The following SLF1 variants were observed in gnomAD, a reference collection of about 807,000 sequenced individuals.
SLF1 encodes the protein SMC5-SMC6 complex localization factor protein 1.
Under a neutral mutation model 123.0 loss-of-function variants are expected in SLF1, and 105 were observed. That is an observed-to-expected ratio of 0.85 (90% CI 0.73 to 1.00). The LOEUF is 1.00. SLF1 is among the 50% of genes least tolerant of loss of function. The pLI is 0.00. For synonymous variants in SLF1, 434 were observed against 406.6 expected (o/e 1.07, Z -0.81); for missense variants, 1,239 against 1,223.0 (o/e 1.01, Z -0.20).
chr5:94,629,198 A>G, intron 3 of SLF1, 31 bp downstream of exon 3: 1 of 1,505,872 alleles, frequency 6.6e-7, no homozygotes, highest in Non-Finnish European at 9.0e-7. Context: ...CAACTTTTAA[A>G]AACAATCTTC....
At chr5:94,693,715 C>A (rs898997877) in intron 20 of SLF1, among the ~76,000 whole-genome samples, 4 of 149,230 alleles carry the variant, frequency 2.7e-5, no homozygotes, top group Non-Finnish European at 5.9e-5. Flanking sequence ...TTCTCTAAAA[C>A]GTTTGTTTAC....
At position 94,649,606 on chromosome 5, in the gene SLF1, T is replaced by C. The variant is rs1202674710; in HGVS notation, c.738+9T>C. On this transcript the variant is annotated intron_variant, in intron 6 of 20. Transcript: ENST00000265140. ...CCATGTATAGAACCCAGGTAAACTT[T>C]ATAGGCTGAAAAACATACATTTCTG... The C allele has an allele frequency of 9.7e-6, 14 of 1,448,024 alleles. No individual in the cohort carries two copies. The East Asian group carries it at 1.5e-4, about 16-fold the overall frequency. 89.7% of individuals were successfully genotyped at this position (1,448,024 alleles called of 1,614,324 possible).
chr5:94,670,201 G>T lies in SLF1; in HGVS notation c.1583G>T (p.Gly528Val). 1.3e-6 allele frequency: 2 copies of T among 1,533,768 alleles called. No homozygotes were observed. The highest frequency in any genetic ancestry group is 1.2e-5 in the South Asian group (1 of 80,572). ...TGTCATCAAATTTCAGAAAATATTG[G>T]CTCCAAGGTGCTCCACCTGACGCTA... ...SFCHQISENI[G>V]SKVLHLTLLK... The change falls in exon 13 of 21, where the codon GGC becomes GTC. Residue 528 changes from glycine (G) to valine (V), a missense_variant. By Grantham distance (109) the Gly-to-Val change is moderately radical. Transcript: ENST00000265140.
intron 4 of SLF1, among the ~76,000 whole-genome samples, chr5:94,640,730 T>G (rs981671223): frequency 6.6e-6 from 1 of 152,202 alleles, no homozygotes; most frequent in African/African-American, 2.4e-5. Flanking sequence ...CAGTGATTCC[T>G]TTTTCAGTTG....
chr5:94,621,899 C>G (rs955613406), intron 1 of SLF1, among the ~76,000 whole-genome samples: 6 of 151,862 alleles, frequency 4.0e-5, no homozygotes, highest in Admixed American at 2.6e-4. Flanking sequence ...CACACACACA[C>G]ACACACATAC....
At chr5:94,639,447 A>G (rs1746197849) in intron 4 of SLF1, among the ~76,000 whole-genome samples, 1 of 151,748 alleles carries the variant, frequency 6.6e-6, no homozygotes, top group African/African-American at 2.4e-5. Context: ...TCTTTTTTTA[A>G]TGGTTGCTGT....
rs77077284 is a variant in SLF1 at position 94,672,315 on chromosome 5, A to G, written c.1827+1307A>G. 3.6e-3 allele frequency among the ~76,000 whole-genome samples: 554 copies of G among 152,220 alleles called. 2 individuals are homozygous for G. Among genetic ancestry groups the G allele is most frequent in the African/African-American group, 0.013 (535 of 41,548 alleles). On this transcript the variant is annotated intron_variant, in intron 14 of 20. Coordinates refer to ENST00000265140, the MANE Select transcript of SLF1 (RefSeq NM_032290.4). ...CTATTCTGTCTTAACAAAAATGCTTATGTAGTTTCTCGTCAAATACTTCCT... is the reference window on the plus strand; with the variant it reads ...CTATTCTGTCTTAACAAAAATGCTTGTGTAGTTTCTCGTCAAATACTTCCT...
chr5:94,663,319 A>G (rs2152486451), intron 10 of SLF1, among the ~76,000 whole-genome samples: 1 of 152,378 alleles, frequency 6.6e-6, no homozygotes, highest in Non-Finnish European at 1.5e-5. Context: ...AAGGCCAGGA[A>G]TTATCTTCAT....
chr5:94,694,902 AAAG>A lies in SLF1; in HGVS notation c.2773_2775del (p.Glu925del), dbSNP rs762416116. 10 of 1,610,988 alleles carry A rather than the reference AAAG, an allele frequency of 6.2e-6. No homozygotes were observed. Among genetic ancestry groups the A allele is most frequent in the East Asian group, 2.2e-5 (1 of 44,832 alleles). On this transcript the variant is annotated inframe_deletion, in exon 21 of 21. Coordinates refer to ENST00000265140, the MANE Select transcript of SLF1 (RefSeq NM_032290.4). ...GGATTATGTGGTTTCACCTCAAATCAAAGAAGAACTGTTTGCTATTACAAAAAT... is the reference window on the plus strand; with the variant it reads ...GGATTATGTGGTTTCACCTCAAATCAAAGAACTGTTTGCTATTACAAAAAT...
chr5:94,676,942 C>G (rs146614841), intron 14 of SLF1, among the ~76,000 whole-genome samples: 77 of 152,252 alleles, frequency 5.1e-4, no homozygotes, highest in African/African-American at 1.8e-3. Flanking sequence ...GCAGGAGAAA[C>G]AAATCCAGTA....
chr5:94,636,710 A>ATTTTTTTTTTTTTTTTTTTTTTTTTT (rs140191160), intron 4 of SLF1, among the ~76,000 whole-genome samples: 30 of 75,482 alleles, frequency 4.0e-4, no homozygotes, highest in Middle Eastern at 0.013. Flanking sequence ...TATTTTACTG[A>ATTTTTTTTTTTTTTTTTTTTTTTTTT]TTTTTTTTTT....
rs1458266790 is a variant in SLF1, at chr5:94,694,984, A to G, written c.2849A>G (p.Gln950Arg). 6.2e-7 allele frequency: 1 copy of G among 1,612,550 alleles called. No individual in the cohort carries two copies. Among genetic ancestry groups the G allele is most frequent in the Non-Finnish European group, 8.5e-7 (1 of 1,179,160 alleles). ...CAAGCAGAGAAACATTTTCATTACC[A>G]GCAACTTGAATTTGGCTCCTTTTTA... is the stretch of plus-strand genomic sequence containing the variant. ...HAQAEKHFHYQQLEFGSFLLS... is the reference protein window; with the variant it reads ...HAQAEKHFHYRQLEFGSFLLS... Residue 950 changes from glutamine to arginine, a missense_variant, in exon 21 of 21, where the codon CAG (glutamine) becomes CGG (arginine). Physicochemically the swap from Gln to Arg is conservative, Grantham distance 43. Transcript: ENST00000265140.
Position 94,694,963 on chromosome 5 carries a change from C to G in SLF1, c.2828C>G (p.Ala943Gly), listed in dbSNP as rs141755992. The change falls in exon 21 of 21, where the codon GCA becomes GGA. Residue 943 changes from alanine (A) to glycine (G), a missense_variant. Coordinates refer to ENST00000265140, the MANE Select transcript of SLF1 (RefSeq NM_032290.4). The stretch of plus-strand genomic sequence containing the variant: ...ACAGTGGAGAACTTTCATGCACAAG[C>G]AGAGAAACATTTTCATTACCAGCAA... ...EDTVENFHAQ[A>G]EKHFHYQQLE... 5.6e-6 allele frequency: 9 copies of G among 1,612,518 alleles called. No homozygotes were observed. The highest frequency in any genetic ancestry group is 7.6e-6 in the Non-Finnish European group (9 of 1,179,144).
chr5:94,690,134 G>A (rs888317704), intron 18 of SLF1, among the ~76,000 whole-genome samples: 3 of 152,142 alleles, frequency 2.0e-5, no homozygotes, highest in South Asian at 4.1e-4. Context: ...GTACCTAAAG[G>A]ATGAAATAAC....
chr5:94,633,166 T>C (rs908224136), intron 4 of SLF1, among the ~76,000 whole-genome samples: 11 of 152,170 alleles, frequency 7.2e-5, no homozygotes, highest in Admixed American at 4.6e-4. Context: ...TTTATATTTT[T>C]AGTAGAGATG....
chr5:94,675,737 T>TA (rs1221399052), intron 14 of SLF1, among the ~76,000 whole-genome samples: 1 of 152,102 alleles, frequency 6.6e-6, no homozygotes, highest in Admixed American at 6.6e-5. Context: ...TTTATCATAG[T>TA]AAAAAAGCTA....
chr5:94,690,431 A>T (rs1269502209), intron 18 of SLF1, among the ~76,000 whole-genome samples: 1 of 152,204 alleles, frequency 6.6e-6, no homozygotes, highest in Non-Finnish European at 1.5e-5. Flanking sequence ...ATTATATTAG[A>T]TGAGAACTCA....
rs114787582 is a variant in SLF1 at position 94,676,275 on chromosome 5, C to A, written c.1828-2533C>A. Among the ~76,000 whole-genome samples, 579 of 152,284 alleles carry A rather than the reference C, an allele frequency of 3.8e-3. 3 individuals are homozygous for A. The highest frequency in any genetic ancestry group is 0.013 in the African/African-American group (559 of 41,548). ...GATAACAGTGAGAAGTAAGGATTAACTAACTTGCTCAGAGTGATCAAGCAA... is the reference window on the plus strand; with the variant it reads ...GATAACAGTGAGAAGTAAGGATTAAATAACTTGCTCAGAGTGATCAAGCAA... On this transcript the variant is annotated intron_variant, in intron 14 of 20. Coordinates refer to ENST00000265140, the MANE Select transcript of SLF1 (RefSeq NM_032290.4).
chr5:94,619,919 G>T (rs1316130656), intron 1 of SLF1: 1 of 151,962 alleles, frequency 6.6e-6, no homozygotes, highest in East Asian at 1.9e-4. Flanking sequence ...GCCTTGCTCT[G>T]TTGCCCAGGC....
Sources: allele counts gnomAD v4.1 joint callset (sites outside exome capture counted in the v4.1 genomes callset), GRCh38; gene constraint gnomAD v4.1.1; transcripts MANE v1.5; gene names NCBI Gene and HGNC (gene_info 2026-07-23, HGNC 2026-07-21).